AS3MT: variants seen among roughly 807,000 people sequenced by gnomAD.
The protein encoded by AS3MT is arsenite methyltransferase.
AS3MT carries 47 observed loss-of-function variants against 45.3 expected under a neutral mutation model. The ratio of observed to expected loss-of-function variants is 1.04; its 90% CI spans 0.82 to 1.32. The LOEUF is 1.32. Among genes scored for constraint, AS3MT ranks in the 40% most tolerant of loss-of-function variants. The pLI is 0.00. For missense variants in AS3MT, 396 were observed against 451.1 expected (o/e 0.88, Z 1.11); for synonymous variants, 141 against 152.8 (o/e 0.92, Z 0.57).
intron 10 of AS3MT, among the ~76,000 whole-genome samples, chr10:102,894,434 A>AT (rs980298345): frequency 5.3e-5 from 7 of 132,588 alleles, no homozygotes; most frequent in Admixed American, 4.0e-4. Flanking sequence ...AAAAATAAAA[A>AT]AAAATAAAAA....
intron 6 of AS3MT, among the ~76,000 whole-genome samples, chr10:102,875,544 G>A (rs1230683480): frequency 6.7e-6 from 1 of 150,354 alleles, no homozygotes; most frequent in Non-Finnish European, 1.5e-5. Context: ...CCAGCTACTT[G>A]GATGCTGAGG....
At chr10:102,898,158 G>A (rs542598827) in intron 10 of AS3MT, among the ~76,000 whole-genome samples, 1 of 151,382 alleles carries the variant, frequency 6.6e-6, no homozygotes, top group East Asian at 1.9e-4. Context: ...GATAAACGCT[G>A]GAGTACAGAC....
In AS3MT at chr10:102,900,958, A is replaced by C; in HGVS notation, c.*258A>C. 5.8e-6 allele frequency: 2 copies of C among 346,328 alleles called. No homozygotes were observed. Among genetic ancestry groups the C allele is most frequent in the Non-Finnish European group, 1.1e-5 (2 of 180,868 alleles). 21.5% of individuals were successfully genotyped at this position (346,328 alleles called of 1,614,324 possible). A position where few individuals can be genotyped will look rare whatever the true frequency, so the allele number is the denominator to read the frequency against. On this transcript the variant is annotated 3_prime_UTR_variant, in exon 11 of 11. Coordinates refer to ENST00000369880, the MANE Select transcript of AS3MT (RefSeq NM_020682.4). ...AAAAATTAGCTGGGCATGGTGGTGCACACCTATAGTCTCAGCTACTCGGGA... is the reference window on the plus strand; with the variant it reads ...AAAAATTAGCTGGGCATGGTGGTGCCCACCTATAGTCTCAGCTACTCGGGA...
intron 4 of AS3MT, 76 bp from the exon 5 acceptor site, chr10:102,873,021 A>T: frequency 8.2e-7 from 1 of 1,222,368 alleles, no homozygotes; most frequent in Non-Finnish European, 1.1e-6. Flanking sequence ...ATATTCTGTT[A>T]GTGATAGGAA....
At chr10:102,869,620 C>G (rs1198757297) in intron 1 of AS3MT, 27 bp downstream of exon 1, 1 of 1,557,036 alleles carries the variant, frequency 6.4e-7, no homozygotes, top group Non-Finnish European at 8.6e-7. Context: ...GGCGCCCCGC[C>G]CCAGCCCCCA....
chr10:102,892,740 C>T (rs1254006010), intron 10 of AS3MT, among the ~76,000 whole-genome samples: 1 of 151,876 alleles, frequency 6.6e-6, no homozygotes. Context: ...CTTTGGGAGG[C>T]CAAGGTGGGC....
chr10:102,896,808 C>CAA (rs71019628), intron 10 of AS3MT, among the ~76,000 whole-genome samples: 39,890 of 120,254 alleles, frequency 0.33, 5,898 homozygotes, highest in East Asian at 0.51. Flanking sequence ...GACTCCATCT[C>CAA]AAAAAAAAAA....
At chr10:102,897,784 A>T (rs930997947) in intron 10 of AS3MT, among the ~76,000 whole-genome samples, 7 of 152,092 alleles carry the variant, frequency 4.6e-5, no homozygotes, top group East Asian at 1.9e-4. Context: ...TATTTTTTTT[A>T]AAAAAGGAGT....
rs1292952699 is a variant in AS3MT, at chr10:102,889,618, T to TG, written c.886-926_886-925insG. ...CCTTCCCCTGCCTGTCTGCCTGCCT[T>TG]CCTTCCTTCCTTCCTTCCTTCCTTC... On this transcript the variant is annotated intron_variant, in intron 9 of 10. Transcript: ENST00000369880. 5.7e-3 allele frequency among the ~76,000 whole-genome samples: 544 copies of TG among 94,968 alleles called. 6 individuals are homozygous for TG. Among genetic ancestry groups the TG allele is most frequent in the African/African-American group, 0.015 (386 of 25,982 alleles). 62.3% of individuals were successfully genotyped at this position (94,968 alleles called of 152,430 possible). A position where few individuals can be genotyped will look rare whatever the true frequency, so the allele number is the denominator to read the frequency against.
chr10:102,876,944 T>C lies in AS3MT; in HGVS notation c.529-10T>C, dbSNP rs17883232. The C allele has an allele frequency of 1.2e-6, 2 of 1,613,810 alleles. No homozygotes were observed. Among genetic ancestry groups the C allele is most frequent in the Non-Finnish European group, 1.7e-6 (2 of 1,179,678 alleles). ...ATCATCTTGTTTGGACTAATATGCC[T>C]CTGTTTCAGCATGGTGGGGAGTTAT... On this transcript the variant is annotated splice_polypyrimidine_tract_variant and intron_variant, in intron 6 of 10. Coordinates refer to ENST00000369880, the MANE Select transcript of AS3MT (RefSeq NM_020682.4).
At chr10:102,897,043 CT>C (rs1179391567) in intron 10 of AS3MT, among the ~76,000 whole-genome samples, 1 of 152,052 alleles carries the variant, frequency 6.6e-6, no homozygotes, top group African/African-American at 2.4e-5. Flanking sequence ...TTTTAAAAGG[CT>C]TTTATCATTC....
chr10:102,893,175 C>T (rs1347631408), intron 10 of AS3MT, among the ~76,000 whole-genome samples: 1 of 151,536 alleles, frequency 6.6e-6, no homozygotes, highest in African/African-American at 2.4e-5. Flanking sequence ...ACCAAGATTA[C>T]AGTAGCACAA....
intron 10 of AS3MT, among the ~76,000 whole-genome samples, chr10:102,898,622 C>A (rs1354215754): frequency 1.3e-5 from 2 of 152,110 alleles, no homozygotes; most frequent in African/African-American, 4.8e-5. Flanking sequence ...ACTGCAGCAT[C>A]TGAAATGATG....
chr10:102,872,029 C>T (rs766091242), intron 3 of AS3MT, among the ~76,000 whole-genome samples: 10 of 151,996 alleles, frequency 6.6e-5, no homozygotes, highest in Non-Finnish European at 1.2e-4. Context: ...ATTACAGGTA[C>T]CTGCTACCGT....
Position 102,881,988 on chromosome 10 carries a change from G to A in AS3MT, c.885+2997G>A, listed in dbSNP as rs1844873032. On this transcript the variant is annotated intron_variant, in intron 9 of 10. Transcript: ENST00000369880. This position sits in a 1 kb window ranked among gnomAD's most constrained non-coding sequence, Gnocchi z 4.2. Reference sequence around the variant, plus strand: ...CAAGTCTCGCTCTGTCACTCAGGCTGGAGTGCAGTGGCCCGATCTCGGCTC... The same window carrying A: ...CAAGTCTCGCTCTGTCACTCAGGCTAGAGTGCAGTGGCCCGATCTCGGCTC... Among the ~76,000 whole-genome samples, 2 of 150,932 alleles carry A rather than the reference G, an allele frequency of 1.3e-5. No homozygotes were observed. The highest frequency in any genetic ancestry group is 3.9e-4 in the East Asian group (2 of 5,134).
Position 102,888,851 on chromosome 10 carries a change from CTATATATATATATA to C in AS3MT, c.886-1675_886-1662del, listed in dbSNP as rs553598133. Among the ~76,000 whole-genome samples the C allele has an allele frequency of 5.7e-3, 522 of 91,704 alleles. 17 individuals carry two copies. Among genetic ancestry groups the C allele is most frequent in the South Asian group, 0.013 (38 of 2,832 alleles). 60.2% of individuals were successfully genotyped at this position (91,704 alleles called of 152,430 possible). On this transcript the variant is annotated intron_variant, in intron 9 of 10. Coordinates refer to ENST00000369880, the MANE Select transcript of AS3MT (RefSeq NM_020682.4). ...TAGGTCTTATTTCTTTCATCAAACC[CTATATATATATATA>C]TATATATATATATATATTTTTTTTT...
chr10:102,894,707 C>T (rs1159732876), intron 10 of AS3MT, among the ~76,000 whole-genome samples: 1 of 152,164 alleles, frequency 6.6e-6, no homozygotes, highest in African/African-American at 2.4e-5. Flanking sequence ...TCTCTGTAGC[C>T]TGCTGCCTAG....
chr10:102,878,905 C>G lies in AS3MT; in HGVS notation c.799C>G (p.Pro267Ala). 6.2e-7 allele frequency: 1 copy of G among 1,613,960 alleles called. No individual in the cohort carries two copies. The highest frequency in any genetic ancestry group is 8.5e-7 in the Non-Finnish European group (1 of 1,179,940). ...CCTCTTCAAACACTCTAAGACAGGA[C>G]CAACCAAGAGATGCCAAGTTATTTA... ...FRLFKHSKTG[P>A]TKRCQVIYNG... is the part of the protein sequence containing the mutation. Residue 267 changes from proline (P) to alanine (A), a missense_variant, in exon 9 of 11, where the codon CCA (proline) becomes GCA (alanine). Physicochemically the swap from Pro to Ala is conservative, Grantham distance 27. Transcript: ENST00000369880.
In AS3MT at chr10:102,881,646, A is replaced by C. The variant is rs536296033; in HGVS notation, c.885+2655A>C. On this transcript the variant is annotated intron_variant, in intron 9 of 10. Transcript: ENST00000369880. This position sits in a 1 kb window ranked among gnomAD's most constrained non-coding sequence, Gnocchi z 4.2. ...GCAATAATGTAGCAAAACACTGGGTACATACTGCAAGTTCAGTGAAAAGAA... is the reference window on the plus strand; with the variant it reads ...GCAATAATGTAGCAAAACACTGGGTCCATACTGCAAGTTCAGTGAAAAGAA... Among the ~76,000 whole-genome samples the C allele has an allele frequency of 6.6e-6, 1 of 152,344 alleles. No individual in the cohort carries two copies. Among genetic ancestry groups the C allele is most frequent in the East Asian group, 1.9e-4 (1 of 5,184 alleles).
Sources: gnomAD v4.1 joint callset for allele counts (sites outside exome capture counted in the v4.1 genomes callset) on GRCh38, gnomAD v4.1.1 for gene constraint, Gnocchi (gnomAD v3.1) non-coding constraint, MANE v1.5 for transcripts, NCBI Gene and HGNC (gene_info 2026-07-23, HGNC 2026-07-21) for gene names.